Variants in GSAP observed in about 807,000 individuals in gnomAD.
GSAP encodes gamma-secretase activating protein.
Under a neutral mutation model 131.7 loss-of-function variants are expected in GSAP, and 118 were observed. That is an observed-to-expected ratio of 0.90 (90% CI 0.77 to 1.04). The LOEUF (loss-of-function observed/expected upper bound fraction) is 1.04. Among genes scored for constraint, GSAP ranks in the 50% least tolerant of loss-of-function variants. GSAP has a pLI of 0.00. For synonymous variants in GSAP, 381 were observed against 363.4 expected (o/e 1.05, Z -0.55); for missense variants, 1,019 against 1,013.2 (o/e 1.01, Z -0.08).
intron 19 of GSAP, among the ~76,000 whole-genome samples, chr7:77,334,880 C>T (rs987207948): frequency 1.3e-5 from 2 of 150,922 alleles, no homozygotes; most frequent in African/African-American, 4.9e-5. Flanking sequence ...GTCAGGAGAT[C>T]GAGACCTTCC....
At chr7:77,383,713 G>A (rs888658828) in intron 6 of GSAP, among the ~76,000 whole-genome samples, 1 of 152,116 alleles carries the variant, frequency 6.6e-6, no homozygotes, top group African/African-American at 2.4e-5. Flanking sequence ...ACTCAAAAGG[G>A]CAATTGTAAA....
chr7:77,385,054 G>A (rs1306185092), intron 6 of GSAP, among the ~76,000 whole-genome samples: 1 of 145,160 alleles, frequency 6.9e-6, no homozygotes, highest in Non-Finnish European at 1.5e-5. Context: ...TTTTTTTTGA[G>A]ATGGAGTTTC....
intron 18 of GSAP, chr7:77,351,748 A>C (rs1792895161): frequency 1.0e-6 from 1 of 985,074 alleles, no homozygotes; most frequent in African/African-American, 1.7e-5. Flanking sequence ...ACCACATCCA[A>C]TTAACATGTG....
At position 77,360,844 on chromosome 7, in the gene GSAP, C is replaced by T. The variant is rs1794427805; in HGVS notation, c.1007G>A (p.Gly336Asp). The change falls in exon 14 of 31, where the codon GGC becomes GAC. Residue 336 changes from glycine (G) to aspartate (D), a missense_variant. Gly to Asp is a moderately conservative substitution (Grantham distance 94). Transcript: ENST00000257626. ...LENVGSHMTK[G>D]ITFLNLDYYV... Reference sequence around the variant, plus strand: ...CTCACCAAGGTTGAGAAAAGTAATGCCCTTTGTCATGTGTGACCCAACATT... The same window carrying T: ...CTCACCAAGGTTGAGAAAAGTAATGTCCTTTGTCATGTGTGACCCAACATT... The T allele has an allele frequency of 1.3e-6, 2 of 1,592,608 alleles. No homozygotes were observed. The highest frequency in any genetic ancestry group is 1.7e-5 in the Admixed American group (1 of 59,942).
Position 77,311,906 on chromosome 7 carries a change from C to T in GSAP, c.2408G>A (p.Ser803Asn), listed in dbSNP as rs756289152. Residue 803 changes from serine to asparagine, a missense_variant, in exon 30 of 31, where the codon AGT (serine) becomes AAT (asparagine). Physicochemically the swap from Ser to Asn is conservative, Grantham distance 46. Coordinates refer to ENST00000257626, the MANE Select transcript of GSAP (RefSeq NM_017439.4). ...RNSMINKSSF[S>N]VEFLPLNYFI... Reference sequence around the variant, plus strand: ...GTAGTTCAGAGGCAGAAATTCTACACTGAACGATGACTTGTTAATCATAGA... The same window carrying T: ...GTAGTTCAGAGGCAGAAATTCTACATTGAACGATGACTTGTTAATCATAGA... The T allele has an allele frequency of 6.2e-7, 1 of 1,602,590 alleles. No homozygotes were observed. The highest frequency in any genetic ancestry group is 1.3e-5 in the African/African-American group (1 of 74,770).
intron 14 of GSAP, among the ~76,000 whole-genome samples, chr7:77,359,854 T>C (rs1794283935): frequency 6.6e-6 from 1 of 152,244 alleles, no homozygotes; most frequent in African/African-American, 2.4e-5. Flanking sequence ...AAAGCATTGC[T>C]GATAAGAATC....
At position 77,374,050 on chromosome 7, in the gene GSAP, TA is replaced by T; in HGVS notation, c.871+19del. On this transcript the variant is annotated intron_variant, in intron 12 of 30. Coordinates refer to ENST00000257626, the MANE Select transcript of GSAP (RefSeq NM_017439.4). ...ACTCAAATACGGTTGAATAAATTGA[TA>T]AATACAACCCTAGTTTACCTGTATG... is the stretch of plus-strand genomic sequence containing the variant. The T allele has an allele frequency of 7.4e-7, 1 of 1,349,380 alleles. No homozygotes were observed. The highest frequency in any genetic ancestry group is 1.8e-5 in the Admixed American group (1 of 55,482). 83.6% of individuals were successfully genotyped at this position (1,349,380 alleles called of 1,614,324 possible). A position where few individuals can be genotyped will look rare whatever the true frequency, so the allele number is the denominator to read the frequency against.
intron 6 of GSAP, among the ~76,000 whole-genome samples, chr7:77,386,447 T>A (rs1022895457): frequency 1.3e-5 from 2 of 152,222 alleles, no homozygotes; most frequent in African/African-American, 2.4e-5. Flanking sequence ...CAAACAAGGA[T>A]AAATTCTTGG....
At chr7:77,416,434 C>G (rs981125234), upstream of GSAP, 1 of 525,636 alleles carries the variant, frequency 1.9e-6, no homozygotes, top group African/African-American at 2.0e-5. Context: ...TCCTCTCCCC[C>G]GCCCCCTGCT....
intron 5 of GSAP, among the ~76,000 whole-genome samples, chr7:77,387,922 C>T (rs1450083627): frequency 6.6e-6 from 1 of 152,202 alleles, no homozygotes; most frequent in East Asian, 1.9e-4. Context: ...TTACTTTGCA[C>T]TCTCACCAGC....
intron 10 of GSAP, 44 bp downstream of exon 10, chr7:77,376,804 T>C (rs1358807621): frequency 1.2e-6 from 1 of 827,516 alleles, no homozygotes; most frequent in Non-Finnish European, 2.0e-6. Context: ...AAGAGAGTAA[T>C]GTATCATAAA....
chr7:77,323,809 A>C, intron 23 of GSAP, 67 bp from the exon 24 acceptor site: 1 of 657,040 alleles, frequency 1.5e-6, no homozygotes. Flanking sequence ...GGTTTGAATT[A>C]GATCCACTTA....
rs762963433 is a variant in GSAP at position 77,312,253 on chromosome 7, T to C, written c.2272-51A>G. On this transcript the variant is annotated intron_variant, in intron 28 of 30. Transcript: ENST00000257626. Reference sequence around the variant, plus strand: ...AGCGAATACCACACACTATATTAAGTAAACACACCTTATATCTATTCATAA... The same window carrying C: ...AGCGAATACCACACACTATATTAAGCAAACACACCTTATATCTATTCATAA... 42 of 825,402 alleles carry C rather than the reference T, an allele frequency of 5.1e-5. No individual in the cohort carries two copies. The Admixed American group carries it at 9.3e-4, about 18-fold the overall frequency. 51.1% of individuals were successfully genotyped at this position (825,402 alleles called of 1,614,324 possible). A position where few individuals can be genotyped will look rare whatever the true frequency, so the allele number is the denominator to read the frequency against.
intron 5 of GSAP, among the ~76,000 whole-genome samples, chr7:77,390,138 TTTC>T (rs1187826089): frequency 5.9e-5 from 9 of 152,224 alleles, no homozygotes; most frequent in African/African-American, 1.9e-4. Flanking sequence ...GGTTGTTTGT[TTTC>T]TCTTGTAAAT....
intron 26 of GSAP, among the ~76,000 whole-genome samples, chr7:77,316,555 A>G (rs1774719426): frequency 6.6e-6 from 1 of 152,246 alleles, no homozygotes. Flanking sequence ...CGTTTTTCAA[A>G]TGGATTTGGA....
intron 3 of GSAP, among the ~76,000 whole-genome samples, chr7:77,401,639 T>C (rs571578530): frequency 6.6e-6 from 1 of 152,294 alleles, no homozygotes; most frequent in East Asian, 1.9e-4. Flanking sequence ...AGAGGAACCT[T>C]AGAACATCAG....
intron 10 of GSAP, among the ~76,000 whole-genome samples, chr7:77,376,352 C>T (rs191110662): frequency 1.3e-5 from 2 of 152,340 alleles, no homozygotes; most frequent in Non-Finnish European, 2.9e-5. Context: ...TAATGACCTA[C>T]ATTAACTGGA....
intron 17 of GSAP, among the ~76,000 whole-genome samples, chr7:77,353,255 C>G (rs1302579052): frequency 6.6e-6 from 1 of 152,028 alleles, no homozygotes; most frequent in Non-Finnish European, 1.5e-5. Flanking sequence ...GACATTATAT[C>G]ATTTCATACG....
chr7:77,395,045 C>T (rs1311512656), intron 5 of GSAP, among the ~76,000 whole-genome samples: 2 of 152,208 alleles, frequency 1.3e-5, no homozygotes, highest in African/African-American at 4.8e-5. Flanking sequence ...GAGCAAGCAT[C>T]CCTGAATAGA....
Sources: gnomAD v4.1 joint callset for allele counts (sites outside exome capture counted in the v4.1 genomes callset) on GRCh38, gnomAD v4.1.1 for gene constraint, MANE v1.5 for transcripts, NCBI Gene and HGNC (gene_info 2026-07-23, HGNC 2026-07-21) for gene names.